ANO6: variants seen among roughly 807,000 people sequenced by gnomAD.
ANO6 encodes anoctamin 6.
Under a neutral mutation model 117.5 loss-of-function variants are expected in ANO6, and 106 were observed. That is an observed-to-expected ratio of 0.90 (90% CI 0.77 to 1.06). ANO6 has a LOEUF of 1.06. Among genes scored for constraint, ANO6 ranks in the 50% least tolerant of loss-of-function variants. The pLI is 0.00. For missense variants in ANO6, 955 were observed against 1,121.1 expected (o/e 0.85, Z 2.12); for synonymous variants, 367 against 385.1 (o/e 0.95, Z 0.55).
In ANO6 at chr12:45,336,643, A is replaced by G. The variant is rs1006982350; in HGVS notation, c.279+5220A>G. On this transcript the variant is annotated intron_variant, in intron 3 of 19. Coordinates refer to ENST00000320560, the MANE Select transcript of ANO6 (RefSeq NM_001025356.3). ...GCTGGGCTGCTAGTCATATAAAAAT[A>G]TAGCACATACAATCATGTATAGTAC... 1.2e-4 allele frequency among the ~76,000 whole-genome samples: 18 copies of G among 152,242 alleles called. No homozygotes were observed. The East Asian group carries it at 2.3e-3, about 20-fold the overall frequency.
chr12:45,220,974 G>A (rs1947387125), intron 1 of ANO6, among the ~76,000 whole-genome samples: 1 of 152,204 alleles, frequency 6.6e-6, no homozygotes, highest in African/African-American at 2.4e-5. Flanking sequence ...GGAACCCAAA[G>A]AGGGTGTTGC....
intron 12 of ANO6, among the ~76,000 whole-genome samples, chr12:45,394,313 A>G (rs563895976): frequency 7.9e-4 from 120 of 152,324 alleles, no homozygotes; most frequent in Middle Eastern, 3.4e-3. Context: ...CTAAATATAC[A>G]TGTACCCAAT....
Position 45,403,157 on chromosome 12 carries a change from C to T in ANO6, c.1698C>T (p.Cys566=), listed in dbSNP as rs1942838716. The change falls in exon 14 of 20, where the codon TGC becomes TGT. Residue 566 remains cysteine (C), a synonymous_variant. Transcript: ENST00000320560. Reference sequence around the variant, plus strand: ...AGTTTGTCAACTACTACTCTTCATGCTTCTACATAGCATTCTTTAAGGGCA... The same window carrying T: ...AGTTTGTCAACTACTACTCTTCATGTTTCTACATAGCATTCTTTAAGGGCA... ...LFQFVNYYSS[C]FYIAFFKGKF... 1 of 1,613,952 alleles carries T rather than the reference C, an allele frequency of 6.2e-7. No individual in the cohort carries two copies.
intron 2 of ANO6, among the ~76,000 whole-genome samples, chr12:45,319,991 A>C (rs1417804795): frequency 6.6e-6 from 1 of 151,970 alleles, no homozygotes. Context: ...TATCGTGTCT[A>C]TTTGATTCTT....
intron 1 of ANO6, among the ~76,000 whole-genome samples, chr12:45,301,274 A>G (rs1265145282): frequency 2.0e-5 from 3 of 151,674 alleles, no homozygotes; most frequent in Admixed American, 6.6e-5. Context: ...AGTAAATTCT[A>G]TCTGGCTCCC....
intron 9 of ANO6, among the ~76,000 whole-genome samples, chr12:45,371,149 T>A (rs988128925): frequency 5.6e-4 from 85 of 152,290 alleles, no homozygotes; most frequent in Middle Eastern, 3.4e-3. Flanking sequence ...TGCGCTTTTC[T>A]GACGGGCTTA....
intron 1 of ANO6, among the ~76,000 whole-genome samples, chr12:45,248,008 T>G (rs1232249582): frequency 1.3e-5 from 2 of 152,238 alleles, no homozygotes; most frequent in African/African-American, 4.8e-5. Context: ...TTATAATCTA[T>G]ATTGTCTCAT....
Position 45,430,032 on chromosome 12 carries a change from A to G in ANO6, c.*721A>G, listed in dbSNP as rs185911219. Reference sequence around the variant, plus strand: ...TCCTAGGAGGTTCCGTGCCTAATCAATGTTGACTGCTTTGCAGATCTCAAG... The same window carrying G: ...TCCTAGGAGGTTCCGTGCCTAATCAGTGTTGACTGCTTTGCAGATCTCAAG... On this transcript the variant is annotated 3_prime_UTR_variant, in exon 20 of 20. Transcript: ENST00000320560. 8.7e-5 allele frequency: 86 copies of G among 985,478 alleles called. No homozygotes were observed. In the Admixed American group the frequency reaches 4.1e-3, roughly 47 times the overall value. The allele number at this position is 985,478 out of a possible 1,614,324, so 61.0% of individuals were successfully genotyped here.
At chr12:45,395,950 C>T (rs1349304166) in intron 12 of ANO6, among the ~76,000 whole-genome samples, 1 of 152,202 alleles carries the variant, frequency 6.6e-6, no homozygotes, top group Non-Finnish European at 1.5e-5. Flanking sequence ...GATGCCCTCT[C>T]TCTCCACTCC....
intron 1 of ANO6, among the ~76,000 whole-genome samples, chr12:45,285,649 A>G (rs1262465046): frequency 6.6e-6 from 1 of 151,890 alleles, no homozygotes; most frequent in Non-Finnish European, 1.5e-5. Context: ...GAATCGCTTG[A>G]ACCCGGGAGG....
chr12:45,371,400 T>TG lies in ANO6; in HGVS notation c.1104+3612dup, dbSNP rs755944117. 2.8e-4 allele frequency among the ~76,000 whole-genome samples: 43 copies of TG among 152,322 alleles called. 1 individual carries two copies. In the East Asian group the frequency reaches 6.0e-3, roughly 21 times the overall value. ...TGCCTGCCTCTGTAGGCTCCACCTC[T>TG]GGGGGCAGGGCACAGACAAACAAAA... On this transcript the variant is annotated intron_variant, in intron 9 of 19. Transcript: ENST00000320560.
At chr12:45,255,343 TACA>T (rs1448492870) in intron 1 of ANO6, among the ~76,000 whole-genome samples, 3 of 152,086 alleles carry the variant, frequency 2.0e-5, no homozygotes, top group East Asian at 3.9e-4. Flanking sequence ...CTACTAAAAA[TACA>T]ACAACAATTA....
At chr12:45,294,504 C>G (rs1939224071) in intron 1 of ANO6, among the ~76,000 whole-genome samples, 1 of 152,044 alleles carries the variant, frequency 6.6e-6, no homozygotes, top group South Asian at 2.1e-4. Flanking sequence ...AGGGAAAGCT[C>G]CTGTCTTAAG....
chr12:45,304,385 T>A (rs1354296409), intron 2 of ANO6, among the ~76,000 whole-genome samples: 2 of 151,988 alleles, frequency 1.3e-5, no homozygotes, highest in African/African-American at 4.8e-5. Context: ...CATTTTAAAA[T>A]CAGAAATGAG....
At chr12:45,438,436 C>T (rs144458576) in intron 19 of ANO6, among the ~76,000 whole-genome samples, 1 of 152,070 alleles carries the variant, frequency 6.6e-6, no homozygotes, top group Non-Finnish European at 1.5e-5. Flanking sequence ...AAATCAGAAA[C>T]TTTTTGAGTG....
intron 1 of ANO6, among the ~76,000 whole-genome samples, chr12:45,231,393 G>A (rs921721966): frequency 6.6e-6 from 1 of 152,168 alleles, no homozygotes; most frequent in African/African-American, 2.4e-5. Context: ...ATAACCAAAT[G>A]TTAGAACTTA....
intron 12 of ANO6, among the ~76,000 whole-genome samples, chr12:45,399,368 G>T (rs1942721915): frequency 6.6e-6 from 1 of 151,990 alleles, no homozygotes; most frequent in African/African-American, 2.4e-5. Context: ...GCTAATTTTT[G>T]TATTTTTAGT....
Position 45,430,978 on chromosome 12 carries a change from T to C in ANO6, c.*1667T>C. 1.0e-6 allele frequency: 1 copy of C among 985,440 alleles called. No individual in the cohort carries two copies. Among genetic ancestry groups the C allele is most frequent in the Non-Finnish European group, 1.2e-6 (1 of 829,940 alleles). The allele number at this position is 985,440 out of a possible 1,614,324, so 61.0% of individuals were successfully genotyped here. A position where few individuals can be genotyped will look rare whatever the true frequency, so the allele number is the denominator to read the frequency against. On this transcript the variant is annotated 3_prime_UTR_variant, in exon 20 of 20. Coordinates refer to ENST00000320560, the MANE Select transcript of ANO6 (RefSeq NM_001025356.3). ...CAGCAGCAAAGGAAAACTCAGATTT[T>C]AGAGGCTTTTTACAATAAAGTAGCG...
At chr12:45,387,376 A>G (rs2137572959) in intron 10 of ANO6, among the ~76,000 whole-genome samples, 1 of 152,340 alleles carries the variant, frequency 6.6e-6, no homozygotes, top group African/African-American at 2.4e-5. Context: ...GGGACATCCT[A>G]AAGTATTCCT....
Sources: gnomAD v4.1 joint callset for allele counts (sites outside exome capture counted in the v4.1 genomes callset) on GRCh38, gnomAD v4.1.1 for gene constraint, MANE v1.5 for transcripts, NCBI Gene and HGNC (gene_info 2026-07-23, HGNC 2026-07-21) for gene names.